Variants in FNDC3B observed in about 807,000 individuals in gnomAD.
The protein encoded by FNDC3B is fibronectin type III domain containing 3B, also known as fibronectin type III domain-containing protein 3B.
In FNDC3B, 12 loss-of-function variants were observed where a neutral mutation model predicts 151.5. That is an observed-to-expected ratio of 0.08 (90% CI 0.05 to 0.13). FNDC3B has a LOEUF of 0.13. FNDC3B is among the 10% of genes least tolerant of loss of function. The pLI is 1.00. For synonymous variants in FNDC3B, 528 were observed against 549.0 expected, an observed-to-expected ratio of 0.96 and a Z score of 0.54; for missense variants, 1,214 against 1,505.3, an observed-to-expected ratio of 0.81 and a Z score of 3.20.
At chr3:172,116,780 G>A (rs963594107) in intron 2 of FNDC3B, among the ~76,000 whole-genome samples, 1 of 152,078 alleles carries the variant, frequency 6.6e-6, no homozygotes, top group Non-Finnish European at 1.5e-5. Flanking sequence ...TGGCCAGGAT[G>A]GTCTTGAACT....
At chr3:172,097,929 A>G (rs2108519112) in intron 1 of FNDC3B, among the ~76,000 whole-genome samples, 1 of 152,266 alleles carries the variant, frequency 6.6e-6, no homozygotes, top group East Asian at 1.9e-4. Flanking sequence ...ACCCAAATTG[A>G]TAGATTAGTA....
intron 15 of FNDC3B, 177 bp downstream of exon 15, chr3:172,335,259 G>C: frequency 2.1e-6 from 1 of 485,530 alleles, no homozygotes; most frequent in East Asian, 3.5e-5. Context: ...AATTGGAATG[G>C]ACAATTTCAT....
At chr3:172,141,850 C>CA (rs763193990) in intron 3 of FNDC3B, among the ~76,000 whole-genome samples, 6,257 of 138,634 alleles carry the variant, frequency 0.045, 410 homozygotes, top group African/African-American at 0.15. Flanking sequence ...GACTGCGTCT[C>CA]AAAAAAAAAA....
chr3:172,136,013 C>T (rs1375826056), intron 3 of FNDC3B, among the ~76,000 whole-genome samples: 7 of 152,182 alleles, frequency 4.6e-5, no homozygotes, highest in African/African-American at 1.4e-4. Context: ...GCATTCTTTC[C>T]TTTAGTGAGT....
chr3:172,224,565 T>G (rs1418394537), intron 3 of FNDC3B, among the ~76,000 whole-genome samples: 1 of 152,210 alleles, frequency 6.6e-6, no homozygotes, highest in Non-Finnish European at 1.5e-5. Flanking sequence ...ACAGACTTGT[T>G]CATATGCTCA....
chr3:172,154,293 G>A (rs1252471452), intron 3 of FNDC3B, among the ~76,000 whole-genome samples: 1 of 152,082 alleles, frequency 6.6e-6, no homozygotes, highest in African/African-American at 2.4e-5. Flanking sequence ...TTGGTGCACT[G>A]CAACCTCCAC....
chr3:172,180,145 AC>A (rs751602903), intron 3 of FNDC3B, among the ~76,000 whole-genome samples: 4 of 151,836 alleles, frequency 2.6e-5, no homozygotes, highest in Non-Finnish European at 5.9e-5. Flanking sequence ...TTTCTGAAAT[AC>A]ACCAGAGAAG....
In FNDC3B at chr3:172,124,524, G is replaced by A. The variant is rs115038465; in HGVS notation, c.112-8947G>A. Among the ~76,000 whole-genome samples the A allele has an allele frequency of 7.4e-4, 112 of 152,272 alleles. 2 individuals carry two copies. The highest frequency in any genetic ancestry group is 2.6e-3 in the African/African-American group (106 of 41,560). ...ACTCTTAAACCTAGAGGGAAATGTA[G>A]GACAAAAGATGCTGTAAGGTTGACT... On this transcript the variant is annotated intron_variant, in intron 2 of 25. Coordinates refer to ENST00000415807, the MANE Select transcript of FNDC3B (RefSeq NM_022763.4).
Position 172,251,464 on chromosome 3 carries a change from G to T in FNDC3B, c.713G>T (p.Ser238Ile). Residue 238 changes from serine (S) to isoleucine (I), a missense_variant, in exon 6 of 26, where the codon AGC (serine) becomes ATC (isoleucine). By Grantham distance (142) the Ser-to-Ile change is moderately radical. Transcript: ENST00000415807. ...AGTGGTGGAAGTGGCGGAGGCGGCA[G>T]CGGTAGTGGTCCCGGAATTAAGAAA... Reference protein sequence around the residue: ...GHSGGSGGGGSGSGPGIKKTE... With the variant: ...GHSGGSGGGGIGSGPGIKKTE... 6.2e-7 allele frequency: 1 copy of T among 1,614,152 alleles called. No individual in the cohort carries two copies. Among genetic ancestry groups the T allele is most frequent in the South Asian group, 1.1e-5 (1 of 91,086 alleles).
chr3:172,300,174 C>T (rs896028608), intron 9 of FNDC3B, among the ~76,000 whole-genome samples: 1 of 152,086 alleles, frequency 6.6e-6, no homozygotes, highest in Non-Finnish European at 1.5e-5. Context: ...ATTTGTGAAG[C>T]TAAGATGATA....
rs140974847 is a variant in FNDC3B, at chr3:172,377,301, G to T, written c.3009-969G>T. ...TTGTGGTTGGATTAACTTATGTAGT[G>T]GTTCTCAGCGTGTCCACTGGACCAG... On this transcript the variant is annotated intron_variant, in intron 23 of 25. Coordinates refer to ENST00000415807, the MANE Select transcript of FNDC3B (RefSeq NM_022763.4). 7.2e-5 allele frequency among the ~76,000 whole-genome samples: 11 copies of T among 152,272 alleles called. No individual in the cohort carries two copies. The East Asian group carries it at 2.1e-3, about 29-fold the overall frequency.
chr3:172,113,749 C>T (rs1301825701), intron 2 of FNDC3B, among the ~76,000 whole-genome samples: 1 of 152,192 alleles, frequency 6.6e-6, no homozygotes, highest in African/African-American at 2.4e-5. Context: ...TCAGTTGATT[C>T]CACATCCCCT....
intron 3 of FNDC3B, among the ~76,000 whole-genome samples, chr3:172,219,809 G>A (rs1027016349): frequency 1.3e-5 from 2 of 152,164 alleles, no homozygotes; most frequent in African/African-American, 4.8e-5. Flanking sequence ...TTTTTATGGT[G>A]GAGTAGTATT....
At chr3:172,268,606 C>T (rs1164599773) in intron 6 of FNDC3B, among the ~76,000 whole-genome samples, 2 of 152,084 alleles carry the variant, frequency 1.3e-5, no homozygotes, top group African/African-American at 4.8e-5. Context: ...CACAGCTCTC[C>T]GTGTAGCCAG....
At chr3:172,095,224 T>TA (rs1000868499) in intron 1 of FNDC3B, among the ~76,000 whole-genome samples, 2 of 152,156 alleles carry the variant, frequency 1.3e-5, no homozygotes, top group East Asian at 1.9e-4. Context: ...TATAGTGTAA[T>TA]AAAAAAATAC....
intron 9 of FNDC3B, chr3:172,307,161 A>G (rs919352610): frequency 1.8e-6 from 1 of 561,438 alleles, no homozygotes; most frequent in Non-Finnish European, 3.2e-6. Context: ...GCACACACTG[A>G]GACAAATACC....
chr3:172,320,146 G>A (rs568114206), intron 11 of FNDC3B, among the ~76,000 whole-genome samples: 1 of 152,262 alleles, frequency 6.6e-6, no homozygotes, highest in Admixed American at 6.5e-5. Flanking sequence ...TTGGGAGGCC[G>A]AGGCAGGTGG....
At chr3:172,222,688 G>A (rs562226420) in intron 3 of FNDC3B, among the ~76,000 whole-genome samples, 3 of 152,246 alleles carry the variant, frequency 2.0e-5, no homozygotes, top group South Asian at 2.1e-4. Flanking sequence ...ATCTAATGCC[G>A]CTGCCGATCT....
chr3:172,088,466 A>G (rs908258037), intron 1 of FNDC3B, among the ~76,000 whole-genome samples: 22 of 152,220 alleles, frequency 1.4e-4, no homozygotes, highest in African/African-American at 5.3e-4. Flanking sequence ...AATGAATCCC[A>G]TGTAAAGTAT....
Sources: allele counts gnomAD v4.1 joint callset (sites outside exome capture counted in the v4.1 genomes callset), GRCh38; gene constraint gnomAD v4.1.1; transcripts MANE v1.5; gene names NCBI Gene and HGNC (gene_info 2026-07-23, HGNC 2026-07-21).